The following NEK3 variants were observed in gnomAD, a reference collection of about 807,000 sequenced individuals.
NEK3 encodes NIMA related kinase 3.
Under a neutral mutation model 66.0 loss-of-function variants are expected in NEK3, and 54 were observed. The observed-to-expected ratio is 0.82, with a 90% CI of 0.66 to 1.03. The LOEUF is 1.03. Ranked by LOEUF, NEK3 falls within the 50% of genes least tolerant of loss-of-function variation. NEK3 has a pLI of 0.00. For synonymous variants in NEK3, 200 were observed against 206.2 expected (o/e 0.97, Z 0.26); for missense variants, 593 against 603.0 (o/e 0.98, Z 0.17).
Position 52,136,219 on chromosome 13 carries a change from A to C in NEK3, c.1071T>G (p.Asn357Lys), listed in dbSNP as rs768685781. ...SVHLRKASSP[N>K]LHRRQWEKNV... ...TTTTCTCCCACTGTCGTCTATGAAGATTTGGTGAACTGGCTTTCCTCAGAT... is the reference window on the plus strand; with the variant it reads ...TTTTCTCCCACTGTCGTCTATGAAGCTTTGGTGAACTGGCTTTCCTCAGAT... The change falls in exon 13 of 16, where the codon AAT (asparagine) becomes AAG (lysine). Residue 357 changes from asparagine to lysine, a missense_variant. Physicochemically the swap from Asn to Lys is moderately conservative, Grantham distance 94 (BLOSUM62 0). Coordinates refer to ENST00000610828, the MANE Select transcript of NEK3 (RefSeq NM_002498.3). 3.7e-6 allele frequency: 6 copies of C among 1,613,688 alleles called. No individual in the cohort carries two copies. The East Asian group carries it at 1.3e-4, about 36-fold the overall frequency.
chr13:52,141,345 C>A (rs1190152999), intron 10 of NEK3, among the ~76,000 whole-genome samples: 11 of 152,194 alleles, frequency 7.2e-5, no homozygotes, highest in Non-Finnish European at 1.6e-4. Flanking sequence ...CATTTAAGCA[C>A]TAAGAGGTAA....
intron 15 of NEK3, 46 bp from the exon 16 acceptor site, chr13:52,133,272 AG>A (rs1321533938): frequency 7.0e-6 from 10 of 1,435,320 alleles, no homozygotes; most frequent in Non-Finnish European, 9.7e-6. Context: ...TTAGGGGCAC[AG>A]TATCTGTTGA....
chr13:52,157,142 C>G (rs1337288043), intron 1 of NEK3: 2 of 152,178 alleles, frequency 1.3e-5, no homozygotes, highest in East Asian at 3.8e-4. Flanking sequence ...GCTGCTGAAG[C>G]ATTTTAACCA....
chr13:52,144,406 A>T (rs2138199429), intron 9 of NEK3, among the ~76,000 whole-genome samples: 1 of 152,194 alleles, frequency 6.6e-6, no homozygotes, highest in South Asian at 2.1e-4. Flanking sequence ...ACAGAGCGAG[A>T]CTCCATCTCA....
intron 11 of NEK3, among the ~76,000 whole-genome samples, chr13:52,137,984 TC>T (rs1956218449): frequency 6.6e-6 from 1 of 152,248 alleles, no homozygotes; most frequent in African/African-American, 2.4e-5. Flanking sequence ...TGGGCACAGA[TC>T]ATCTGCAAAG....
At position 52,152,697 on chromosome 13, in the gene NEK3, A is replaced by G. The variant is rs200590681; in HGVS notation, c.310-5T>C. The G allele has an allele frequency of 6.4e-5, 102 of 1,595,428 alleles. 1 individual carries two copies. Among genetic ancestry groups the G allele is most frequent in the Admixed American group, 1.5e-4 (9 of 58,348 alleles). The stretch of plus-strand genomic sequence containing the variant: ...TTGGGTAAACCAATTAAGTATCTGT[A>G]AGAAAAAGGTATGCAAAATCTTCAA... On this transcript the variant is annotated splice_region_variant and splice_polypyrimidine_tract_variant and intron_variant, in intron 4 of 15. Transcript: ENST00000610828.
chr13:52,144,723 C>T lies in NEK3; in HGVS notation c.772G>A (p.Ala258Thr). 6.2e-7 allele frequency: 1 copy of T among 1,613,862 alleles called. No homozygotes were observed. ...GGTAAGCACTTCTGGACAAGCCGAG[C>T]TACGATGCCTCGAGAGAGAAGCGTT... ...ATTLLSRGIV[A>T]RLVQKCLPPE... Residue 258 changes from alanine (A) to threonine (T), a missense_variant, in exon 9 of 16, where the codon GCT becomes ACT. By Grantham distance (58) the Ala-to-Thr change is moderately conservative. Transcript: ENST00000610828.
chr13:52,133,302 C>T lies in NEK3; in HGVS notation c.1437-76G>A, dbSNP rs938890692. 62 of 1,164,100 alleles carry T rather than the reference C, an allele frequency of 5.3e-5. 2 individuals are homozygous for T. In the South Asian group the frequency reaches 7.8e-4, roughly 15 times the overall value. The allele number at this position is 1,164,100 out of a possible 1,614,324, so 72.1% of individuals were successfully genotyped here. A position where few individuals can be genotyped will look rare whatever the true frequency, so the allele number is the denominator to read the frequency against. ...CTGTTGATGAGTTCAAAGCGGAATA[C>T]CACCATAACAATACTTAAGCTTTTG... is the stretch of plus-strand genomic sequence containing the variant. On this transcript the variant is annotated intron_variant, in intron 15 of 15. Coordinates refer to ENST00000610828, the MANE Select transcript of NEK3 (RefSeq NM_002498.3).
At chr13:52,134,841 A>G (rs917003265) in intron 14 of NEK3, among the ~76,000 whole-genome samples, 4 of 152,116 alleles carry the variant, frequency 2.6e-5, no homozygotes, top group Non-Finnish European at 5.9e-5. Flanking sequence ...CATGTATCAC[A>G]GGGCACTATA....
rs772382204 is a variant in NEK3 at position 52,148,434 on chromosome 13, A to G, written c.584T>C (p.Leu195Pro). 6.2e-7 allele frequency: 1 copy of G among 1,613,478 alleles called. No individual in the cohort carries two copies. The highest frequency in any genetic ancestry group is 1.7e-5 in the Admixed American group (1 of 59,994). Residue 195 changes from leucine (L) to proline (P), a missense_variant, in exon 8 of 16, where the codon CTC becomes CCC. By Grantham distance (98) the Leu-to-Pro change is moderately conservative (BLOSUM62 -3). Transcript: ENST00000610828. ...ACTTACTGGATGCTTAAGGGTACAG[A>G]GTTCATACAGGATGCAACCCAAGGA... Reference protein sequence around the residue: ...IWSLGCILYELCTLKHPFQAN... With the variant: ...IWSLGCILYEPCTLKHPFQAN...
At chr13:52,134,063 C>T (rs4335688) in intron 14 of NEK3, among the ~76,000 whole-genome samples, 26,078 of 151,980 alleles carry the variant, frequency 0.17, 2,706 homozygotes, top group East Asian at 0.33. Flanking sequence ...CAGGGTCTCA[C>T]TCTGTCACCC....
intron 14 of NEK3, among the ~76,000 whole-genome samples, chr13:52,135,476 G>C (rs181474557): frequency 1.3e-5 from 2 of 152,250 alleles, no homozygotes; most frequent in Admixed American, 1.3e-4. Flanking sequence ...TAAAAATACA[G>C]TGCTATGAAT....
chr13:52,144,958 T>C, intron 8 of NEK3, 67 bp from the exon 9 acceptor site: 1 of 1,029,896 alleles, frequency 9.7e-7, no homozygotes, highest in South Asian at 1.4e-5. Flanking sequence ...AACTACCAGT[T>C]ATGTAAATTA....
At chr13:52,137,694 G>A (rs1283651732) in intron 11 of NEK3, among the ~76,000 whole-genome samples, 1 of 152,184 alleles carries the variant, frequency 6.6e-6, no homozygotes, top group Non-Finnish European at 1.5e-5. Context: ...GTGAGGGGCA[G>A]CTGTGAAAAG....
At chr13:52,150,448 C>T (rs964060041) in intron 7 of NEK3, among the ~76,000 whole-genome samples, 1 of 151,910 alleles carries the variant, frequency 6.6e-6, no homozygotes, top group Non-Finnish European at 1.5e-5. Flanking sequence ...AATATATCAA[C>T]CAGTTTTAGG....
intron 10 of NEK3, 25 bp downstream of exon 10, chr13:52,143,890 A>G (rs1956271655): frequency 7.9e-7 from 1 of 1,261,796 alleles, no homozygotes; most frequent in African/African-American, 1.6e-5. Context: ...GCACTTAACA[A>G]AAAATACTCT....
At chr13:52,144,338 C>T (rs1032541819) in intron 9 of NEK3, among the ~76,000 whole-genome samples, 9 of 152,146 alleles carry the variant, frequency 5.9e-5, no homozygotes, top group Admixed American at 1.3e-4. Context: ...ATTGCTTGAA[C>T]CAGGGAGGTG....
chr13:52,133,795 C>A lies in NEK3; in HGVS notation c.1330G>T (p.Gly444Cys). 6.3e-7 allele frequency: 1 copy of A among 1,599,270 alleles called. No individual in the cohort carries two copies. Among genetic ancestry groups the A allele is most frequent in the Admixed American group, 1.7e-5 (1 of 57,882 alleles). Residue 444 changes from glycine to cysteine, a missense_variant, in exon 15 of 16, where the codon GGC becomes TGC. Coordinates refer to ENST00000610828, the MANE Select transcript of NEK3 (RefSeq NM_002498.3). ...YRPGSEGFLK[G>C]PLSEETEASD... ...GCTTCTGTTTCTTCAGACAGGGGGC[C>A]TTTCAAGAACCCTTCTGAACCTTCA...
intron 14 of NEK3, among the ~76,000 whole-genome samples, chr13:52,135,290 C>A (rs1253211281): frequency 6.6e-6 from 1 of 152,060 alleles, no homozygotes; most frequent in African/African-American, 2.4e-5. Context: ...CAAAAGAAAT[C>A]TTGGAGTTGT....
Sources: allele counts gnomAD v4.1 joint callset (sites outside exome capture counted in the v4.1 genomes callset), GRCh38; gene constraint gnomAD v4.1.1; transcripts MANE v1.5; gene names NCBI Gene and HGNC (gene_info 2026-07-23, HGNC 2026-07-21).